Variants in ABCA2 observed in about 807,000 individuals in gnomAD.
The protein encoded by ABCA2 is ATP-binding cassette sub-family A member 2.
Under a neutral mutation model 262.8 loss-of-function variants are expected in ABCA2, and 84 were observed. That is an observed-to-expected ratio of 0.32 (90% CI 0.27 to 0.38). The LOEUF (loss-of-function observed/expected upper bound fraction) is 0.38. ABCA2 is among the 10% of genes least tolerant of loss of function. The pLI is 1.00. For synonymous variants in ABCA2, 1,696 were observed against 1,502.9 expected (o/e 1.13, Z -2.97); for missense variants, 2,662 against 3,405.9 (o/e 0.78, Z 5.44).
chr9:137,018,956 G>C lies in ABCA2; in HGVS notation c.1669C>G (p.Gln557Glu). ...GCCGCGTTGTCAATGGTATCCAGCTGCTGCAGGAGGGCCATGCCACTGGGC... is the reference window on the plus strand; with the variant it reads ...GCCGCGTTGTCAATGGTATCCAGCTCCTGCAGGAGGGCCATGCCACTGGGC... ...SLPSGMALLQ[Q>E]LDTIDNAACG... is the part of the protein sequence containing the mutation. Residue 557 changes from glutamine to glutamate, a missense_variant, in exon 12 of 49, where the codon CAG becomes GAG. This residue lies in a region of ABCA2 where 187 missense variants were observed against 205.9 expected (regional missense o/e 0.91). Coordinates refer to ENST00000341511, the MANE Select transcript of ABCA2 (RefSeq NM_001606.5). 3 of 1,613,032 alleles carry C rather than the reference G, an allele frequency of 1.9e-6. No individual in the cohort carries two copies. Among genetic ancestry groups the C allele is most frequent in the Non-Finnish European group, 2.5e-6 (3 of 1,179,896 alleles).
At position 137,021,478 on chromosome 9, in the gene ABCA2, C is replaced by T; in HGVS notation, c.811G>A (p.Gly271Arg). 6.2e-7 allele frequency: 1 copy of T among 1,611,736 alleles called. No individual in the cohort carries two copies. Among genetic ancestry groups the T allele is most frequent in the Non-Finnish European group, 8.5e-7 (1 of 1,179,552 alleles). ...LQGYRDAVCS[G>R]QAAARARRFS... ...CGCCTGGCACGCGCAGCAGCCTGCC[C>T]ACTGCAGACAGCATCCCGGTAGCCC... Residue 271 changes from glycine (G) to arginine (R), a missense_variant, in exon 8 of 49, where the codon GGG (glycine) becomes AGG (arginine). Physicochemically the swap from Gly to Arg is moderately radical, Grantham distance 125. Around this residue, in one of 12 missense-constraint regions of ABCA2, gnomAD observed 403 missense variants for 375.9 expected, o/e 1.07. Coordinates refer to ENST00000341511, the MANE Select transcript of ABCA2 (RefSeq NM_001606.5). The surrounding 1 kb of genome is among the most constrained non-coding windows in gnomAD (Gnocchi z 6.0).
In ABCA2 at chr9:137,020,473, G is replaced by A. The variant is rs1831411460; in HGVS notation, c.1288C>T (p.Arg430Trp). The change falls in exon 10 of 49, where the codon CGG becomes TGG. Residue 430 changes from arginine (R) to tryptophan (W), a missense_variant. Physicochemically the swap from Arg to Trp is moderately radical, Grantham distance 101 (BLOSUM62 -3). Transcript: ENST00000341511. The part of the protein sequence containing the change: ...NNRTIEPEAL[R>W]RGNMSSLGFT... Reference sequence around the variant, plus strand: ...CCCAGGGAGCTCATGTTGCCCCGCCGCAGCGCCTCGGGTTCAATGGTGCTG... The same window carrying A: ...CCCAGGGAGCTCATGTTGCCCCGCCACAGCGCCTCGGGTTCAATGGTGCTG... 4 of 1,603,044 alleles carry A rather than the reference G, an allele frequency of 2.5e-6. No individual in the cohort carries two copies. Among genetic ancestry groups the A allele is most frequent in the African/African-American group, 1.3e-5 (1 of 74,820 alleles).
At chr9:137,020,668 C>T (rs1456199327) in intron 9 of ABCA2, 26 bp downstream of exon 9, 4 of 1,596,372 alleles carry the variant, frequency 2.5e-6, no homozygotes, top group Admixed American at 3.4e-5. Context: ...GTCCTCCTCA[C>T]CCCCATTCCC....
chr9:137,016,150 A>G lies in ABCA2; in HGVS notation c.3129T>C (p.Pro1043=). The G allele has an allele frequency of 6.2e-7, 1 of 1,612,764 alleles. No individual in the cohort carries two copies. Among genetic ancestry groups the G allele is most frequent in the East Asian group, 2.2e-5 (1 of 44,876 alleles). Residue 1043 remains proline, a synonymous_variant, in exon 22 of 49, where the codon CCT becomes CCC. Transcript: ENST00000341511. The part of the protein sequence containing the change: ...TTMSILTGLF[P]PTSGSATIYG... ...AGATGGTGGCGGAACCCGACGTTGG[A>G]GGGAACAGGCCGGTCAGGATGGACC...
chr9:137,013,486 C>G lies in ABCA2; in HGVS notation c.4525G>C (p.Ala1509Pro), dbSNP rs1831143767. The G allele has an allele frequency of 6.2e-7, 1 of 1,608,850 alleles. No individual in the cohort carries two copies. The highest frequency in any genetic ancestry group is 1.3e-5 in the African/African-American group (1 of 74,880). ...TQPRGNFIPY[A>P]NEERREYRLR... ...CGGTACTCGCGGCGCTCCTCGTTGG[C>G]GTAGGGGATGAAATTGCCACGGGGC... is the stretch of plus-strand genomic sequence containing the variant. Residue 1509 changes from alanine to proline, a missense_variant, in exon 29 of 49, where the codon GCC becomes CCC. Physicochemically the swap from Ala to Pro is conservative, Grantham distance 27 (BLOSUM62 -1). Coordinates refer to ENST00000341511, the MANE Select transcript of ABCA2 (RefSeq NM_001606.5).
rs776049638 is a variant in ABCA2 at position 137,011,575 on chromosome 9, G to A, written c.5652-21C>T. 5.1e-6 allele frequency: 8 copies of A among 1,565,170 alleles called. No individual in the cohort carries two copies. The highest frequency in any genetic ancestry group is 3.5e-6 in the Non-Finnish European group (4 of 1,155,216). On this transcript the variant is annotated intron_variant, in intron 36 of 48. Coordinates refer to ENST00000341511, the MANE Select transcript of ABCA2 (RefSeq NM_001606.5). The surrounding 1 kb of genome is among the most constrained non-coding windows in gnomAD (Gnocchi z 8.8). ...ACCACCTGCGGGCAGGTGGCGGGCA[G>A]TGGTCACCAGGCAGCCCCGGTCCCA...
rs774100361 is a variant in ABCA2 at position 137,015,134 on chromosome 9, G to A, written c.3698-37C>T. 7.8e-6 allele frequency: 12 copies of A among 1,537,906 alleles called. No homozygotes were observed. The East Asian group carries it at 2.0e-4, about 26-fold the overall frequency. ...GTGGGAGCAGGAAGGAATTCACTCA[G>A]GGGCTGGGAGGAGGGACCCCCAATG... On this transcript the variant is annotated intron_variant, in intron 24 of 48. Transcript: ENST00000341511.
intron 16 of ABCA2, 36 bp from the exon 17 acceptor site, chr9:137,017,728 G>A (rs2131453013): frequency 6.2e-7 from 1 of 1,608,754 alleles, no homozygotes; most frequent in Non-Finnish European, 8.5e-7. Flanking sequence ...CAGGCCCCGG[G>A]GAGGACGCCG....
intron 1 of ABCA2, among the ~76,000 whole-genome samples, chr9:137,024,625 A>G (rs1204683898): frequency 6.6e-6 from 1 of 152,102 alleles, no homozygotes; most frequent in East Asian, 1.9e-4. Context: ...AGCCCCGCCT[A>G]CACTTCCCAC....
intron 3 of ABCA2, 23 bp from the exon 4 acceptor site, chr9:137,023,075 C>T (rs1258324309): frequency 1.3e-6 from 2 of 1,544,082 alleles, no homozygotes; most frequent in South Asian, 1.2e-5. Context: ...CGGGAGAGGG[C>T]AGGGTCGGGG....
chr9:137,027,481 C>CAGGCTGGCCA (rs920527987), intron 1 of ABCA2: 1 of 152,672 alleles, frequency 6.5e-6, no homozygotes, highest in African/African-American at 2.4e-5. Flanking sequence ...TGCAGAGATT[C>CAGGCTGGCCA]AGGCTGGCCA....
In ABCA2 at chr9:137,010,745, G is replaced by A. The variant is rs758189176; in HGVS notation, c.6057-8C>T. ...GTAGACACAGGCATGCGCCTTGGGG[G>A]ACAGGGTGGACAGTGTCCAGCAGCT... On this transcript the variant is annotated splice_region_variant and splice_polypyrimidine_tract_variant and intron_variant, in intron 39 of 48. Transcript: ENST00000341511. 2 of 1,609,632 alleles carry A rather than the reference G, an allele frequency of 1.2e-6. No individual in the cohort carries two copies. Among genetic ancestry groups the A allele is most frequent in the Non-Finnish European group, 1.7e-6 (2 of 1,177,456 alleles).
intron 5 of ABCA2, 94 bp downstream of exon 5, chr9:137,022,608 G>T: frequency 6.4e-7 from 1 of 1,557,022 alleles, no homozygotes. Context: ...ACTCAGTGCA[G>T]GTGGAGGGGC....
chr9:137,017,582 G>A lies in ABCA2; in HGVS notation c.2322C>T (p.Tyr774=), dbSNP rs376356501. 2.2e-4 allele frequency: 350 copies of A among 1,612,732 alleles called. 1 individual carries two copies. Among genetic ancestry groups the A allele is most frequent in the Admixed American group, 1.5e-3 (92 of 60,022 alleles). ...CGTGGCTGTGCATAAGCACCTGGCC[G>A]TACTTCAGGATGGCGGTGAGTGCTG... is the stretch of plus-strand genomic sequence containing the variant. ...SVTALTAILK[Y]GQVLMHSHVV... is the part of the protein sequence containing the mutation. Residue 774 remains tyrosine (Y), a synonymous_variant, in exon 17 of 49, where the codon TAC becomes TAT. Coordinates refer to ENST00000341511, the MANE Select transcript of ABCA2 (RefSeq NM_001606.5).
At chr9:137,017,756 G>T (rs764018506) in intron 16 of ABCA2, 31 bp downstream of exon 16, 2 of 1,610,382 alleles carry the variant, frequency 1.2e-6, no homozygotes, top group South Asian at 2.2e-5. Flanking sequence ...CTGCCAGCCC[G>T]CGCCTCCAGG....
At chr9:137,018,398 A>G in intron 13 of ABCA2, 47 bp from the exon 14 acceptor site, 2 of 846,346 alleles carry the variant, frequency 2.4e-6, no homozygotes, top group Non-Finnish European at 3.0e-6. Context: ...GGGCGGGACC[A>G]AGGCGTGGTG....
chr9:137,012,920 A>G lies in ABCA2; in HGVS notation c.4873T>C (p.Trp1625Arg). 6.6e-7 allele frequency: 1 copy of G among 1,515,148 alleles called. No individual in the cohort carries two copies. The highest frequency in any genetic ancestry group is 1.3e-5 in the South Asian group (1 of 79,574). 93.9% of individuals were successfully genotyped at this position (1,515,148 alleles called of 1,614,324 possible). ...SLPPTAGPEM[W>R]TSAPSLPRLV... Reference sequence around the variant, plus strand: ...CGCGGCAGGGAGGGTGCCGACGTCCACATTTCTGTGGGCACAGCATGGTGC... The same window carrying G: ...CGCGGCAGGGAGGGTGCCGACGTCCGCATTTCTGTGGGCACAGCATGGTGC... Residue 1625 changes from tryptophan (W) to arginine (R), a missense_variant, in exon 31 of 49, where the codon TGG (tryptophan) becomes CGG (arginine). This residue lies in a region of ABCA2 where 192 missense variants were observed against 207.2 expected (regional missense o/e 0.93). Coordinates refer to ENST00000341511, the MANE Select transcript of ABCA2 (RefSeq NM_001606.5).
In ABCA2 at chr9:137,019,622, A is replaced by T; in HGVS notation, c.1426-316T>A. 1 of 304,484 alleles carries T rather than the reference A, an allele frequency of 3.3e-6. No individual in the cohort carries two copies. The highest frequency in any genetic ancestry group is 3.4e-5 in the South Asian group (1 of 29,684). 18.9% of individuals were successfully genotyped at this position (304,484 alleles called of 1,614,324 possible). On this transcript the variant is annotated intron_variant, in intron 10 of 48. Coordinates refer to ENST00000341511, the MANE Select transcript of ABCA2 (RefSeq NM_001606.5). This position sits in a 1 kb window ranked among gnomAD's most constrained non-coding sequence, Gnocchi z 4.4. ...TTTTTGGTAGAGACGGGCTTCCGCT[A>T]TGTTGCTCGGGCTTGTCTCAAACTC...
chr9:137,021,114 G>C lies in ABCA2; in HGVS notation c.898-53C>G. 1.4e-6 allele frequency: 2 copies of C among 1,446,308 alleles called. No individual in the cohort carries two copies. Among genetic ancestry groups the C allele is most frequent in the Non-Finnish European group, 1.8e-6 (2 of 1,102,166 alleles). 89.6% of individuals were successfully genotyped at this position (1,446,308 alleles called of 1,614,324 possible). A position where few individuals can be genotyped will look rare whatever the true frequency, so the allele number is the denominator to read the frequency against. ...GCGGGGTGAGATGGACTGCAGGTGG[G>C]TGATAGGTCAGGAGTGGAGCAGGGA... On this transcript the variant is annotated intron_variant, in intron 8 of 48. Transcript: ENST00000341511. This position sits in a 1 kb window ranked among gnomAD's most constrained non-coding sequence, Gnocchi z 6.0.
Sources: gnomAD v4.1 joint callset for allele counts (sites outside exome capture counted in the v4.1 genomes callset) on GRCh38, gnomAD v4.1.1 for gene constraint, gnomAD v4.1.1 regional missense constraint, Gnocchi (gnomAD v3.1) non-coding constraint, MANE v1.5 for transcripts, NCBI Gene and HGNC (gene_info 2026-07-23, HGNC 2026-07-21) for gene names.